Variants in CENPP observed in about 807,000 individuals in gnomAD.
CENPP encodes the protein centromere protein P.
In CENPP, 24 loss-of-function variants were observed where a neutral mutation model predicts 35.6. The ratio of observed to expected loss-of-function variants is 0.67; its 90% confidence interval spans 0.49 to 0.95. The LOEUF is 0.95. CENPP is among the 40% of genes least tolerant of loss of function. CENPP has a pLI of 0.00. For synonymous variants in CENPP, 120 were observed against 125.5 expected (o/e 0.96, Z 0.29); for missense variants, 332 against 345.3 (o/e 0.96, Z 0.31).
At chr9:92,452,611 C>A (rs1844745866) in intron 5 of CENPP, among the ~76,000 whole-genome samples, 1 of 152,152 alleles carries the variant, frequency 6.6e-6, no homozygotes, top group African/African-American at 2.4e-5. Flanking sequence ...ATGCTGGCCT[C>A]ATAAAAAGAG....
intron 6 of CENPP, among the ~76,000 whole-genome samples, chr9:92,612,228 G>A (rs909295543): frequency 2.0e-5 from 3 of 152,202 alleles, no homozygotes; most frequent in Admixed American, 1.3e-4. Context: ...TTCCAAAGTG[G>A]CTTGTCCATG....
At chr9:92,548,055 T>C (rs1414162575) in intron 5 of CENPP, among the ~76,000 whole-genome samples, 2 of 152,252 alleles carry the variant, frequency 1.3e-5, no homozygotes, top group East Asian at 3.8e-4. Context: ...GATAAATTAC[T>C]AAAATTATCT....
chr9:92,461,264 T>G (rs1052909580), intron 5 of CENPP, among the ~76,000 whole-genome samples: 14 of 152,234 alleles, frequency 9.2e-5, no homozygotes, highest in Admixed American at 4.6e-4. Flanking sequence ...TTTTGTTTTT[T>G]GTTTTTTAAC....
At chr9:92,518,350 A>G (rs1447227225) in intron 5 of CENPP, among the ~76,000 whole-genome samples, 1 of 152,150 alleles carries the variant, frequency 6.6e-6, no homozygotes, top group Non-Finnish European at 1.5e-5. Context: ...GTCTAATTAT[A>G]CTGACCAAAG....
At position 92,549,588 on chromosome 9, in the gene CENPP, A is replaced by G. The variant is rs947301728; in HGVS notation, c.565-61726A>G. Among the ~76,000 whole-genome samples, 5 of 151,154 alleles carry G rather than the reference A, an allele frequency of 3.3e-5. No homozygotes were observed. In the East Asian group the frequency reaches 9.8e-4, roughly 30 times the overall value. On this transcript the variant is annotated intron_variant, in intron 5 of 7. Transcript: ENST00000375587. ...CTTGAACCTGGGAGGCAAAGGTTACAGTGAGCCAAGATCGCGCCACTGCAC... is the reference window on the plus strand; with the variant it reads ...CTTGAACCTGGGAGGCAAAGGTTACGGTGAGCCAAGATCGCGCCACTGCAC...
At chr9:92,584,476 G>GTCCCACCT (rs1850498234) in intron 5 of CENPP, among the ~76,000 whole-genome samples, 1 of 152,156 alleles carries the variant, frequency 6.6e-6, no homozygotes, top group East Asian at 1.9e-4. Flanking sequence ...AGCTTTCAGA[G>GTCCCACCT]TAGCTAGGAC....
chr9:92,441,604 C>CA (rs1376842690), intron 5 of CENPP, among the ~76,000 whole-genome samples: 6 of 152,054 alleles, frequency 3.9e-5, no homozygotes, highest in African/African-American at 1.4e-4. Context: ...ACAAAAAACA[C>CA]AAAAGTCAGC....
At chr9:92,474,418 T>C (rs954739688) in intron 5 of CENPP, among the ~76,000 whole-genome samples, 3 of 152,208 alleles carry the variant, frequency 2.0e-5, no homozygotes, top group Non-Finnish European at 4.4e-5. Flanking sequence ...ATGGACAACA[T>C]TCCCTTAGTT....
chr9:92,532,664 AGTTTTCAG>A (rs1848870925), intron 5 of CENPP, among the ~76,000 whole-genome samples: 1 of 151,984 alleles, frequency 6.6e-6, no homozygotes, highest in Non-Finnish European at 1.5e-5. Flanking sequence ...TGTATTTTCT[AGTTTTCAG>A]GTTTTCAGTA....
chr9:92,575,438 A>G lies in CENPP; in HGVS notation c.565-35876A>G, dbSNP rs530013755. ...ATATACACAAATGGCCATTAAGTAC[A>G]TGAAGAGATGCTCAACATCACTAAT... is the stretch of plus-strand genomic sequence containing the variant. On this transcript the variant is annotated intron_variant, in intron 5 of 7. Coordinates refer to ENST00000375587, the MANE Select transcript of CENPP (RefSeq NM_001012267.3). Among the ~76,000 whole-genome samples, 3 of 152,348 alleles carry G rather than the reference A, an allele frequency of 2.0e-5. 1 individual carries two copies. Among genetic ancestry groups the G allele is most frequent in the African/African-American group, 7.2e-5 (3 of 41,590 alleles).
chr9:92,459,881 T>A (rs186156128), intron 5 of CENPP: 136 of 827,424 alleles, frequency 1.6e-4, no homozygotes, highest in Admixed American at 1.5e-3. Context: ...TTTATATATA[T>A]GTTCAAAGAT....
chr9:92,613,534 C>T lies in CENPP; in HGVS notation c.*385C>T, dbSNP rs1170994678. The T allele has an allele frequency of 4.6e-6, 1 of 218,508 alleles. No homozygotes were observed. The highest frequency in any genetic ancestry group is 2.3e-5 in the African/African-American group (1 of 43,748). The allele number at this position is 218,508 out of a possible 1,614,324, so 13.5% of individuals were successfully genotyped here. A position where few individuals can be genotyped will look rare whatever the true frequency, so the allele number is the denominator to read the frequency against. On this transcript the variant is annotated 3_prime_UTR_variant, in exon 8 of 8. Coordinates refer to ENST00000375587, the MANE Select transcript of CENPP (RefSeq NM_001012267.3). ...AAGCCACCCTTATCCTGGTTCCTGCCTCCTGGGGGCTCTGGAGACGGATGC... is the reference window on the plus strand; with the variant it reads ...AAGCCACCCTTATCCTGGTTCCTGCTTCCTGGGGGCTCTGGAGACGGATGC...
chr9:92,479,891 C>G (rs983713662), intron 5 of CENPP, among the ~76,000 whole-genome samples: 5 of 152,110 alleles, frequency 3.3e-5, no homozygotes, highest in African/African-American at 1.2e-4. Flanking sequence ...TCCCCCAGTT[C>G]AGTGTGCAAC....
chr9:92,526,046 A>G (rs1848390224), intron 5 of CENPP, among the ~76,000 whole-genome samples: 1 of 152,148 alleles, frequency 6.6e-6, no homozygotes, highest in Admixed American at 6.6e-5. Flanking sequence ...TTAAACAAAC[A>G]TTAACTGCGC....
chr9:92,349,551 G>A (rs956365562), intron 4 of CENPP, among the ~76,000 whole-genome samples: 5 of 151,764 alleles, frequency 3.3e-5, no homozygotes, highest in South Asian at 2.1e-4. Flanking sequence ...TTATAGGCAC[G>A]CACCACCACA....
intron 4 of CENPP, among the ~76,000 whole-genome samples, chr9:92,372,532 G>T (rs547110700): frequency 2.0e-4 from 30 of 152,180 alleles, no homozygotes; most frequent in African/African-American, 7.2e-4. Flanking sequence ...TTACCAGTGA[G>T]TTTTACACTT....
intron 5 of CENPP, among the ~76,000 whole-genome samples, chr9:92,489,108 G>A (rs1433041564): frequency 6.6e-6 from 1 of 152,214 alleles, no homozygotes; most frequent in Non-Finnish European, 1.5e-5. Flanking sequence ...GTATGTGACA[G>A]ACTGAAATCC....
intron 5 of CENPP, among the ~76,000 whole-genome samples, chr9:92,468,636 C>T (rs1183948665): frequency 6.6e-6 from 1 of 152,116 alleles, no homozygotes; most frequent in Non-Finnish European, 1.5e-5. Flanking sequence ...AGACAGGTAC[C>T]ATATAAGGTG....
intron 5 of CENPP, among the ~76,000 whole-genome samples, chr9:92,533,318 A>ATAT (rs1848939859): frequency 7.4e-5 from 7 of 94,830 alleles, no homozygotes; most frequent in East Asian, 5.3e-4. Context: ...AAAAAAAAAA[A>ATAT]AAAAAAAAAA....
Sources: gnomAD v4.1 joint callset for allele counts (sites outside exome capture counted in the v4.1 genomes callset) on GRCh38, gnomAD v4.1.1 for gene constraint, MANE v1.5 for transcripts, NCBI Gene and HGNC (gene_info 2026-07-23, HGNC 2026-07-21) for gene names.